The following STC1 variants were observed in gnomAD, a reference collection of about 807,000 sequenced individuals.
STC1 encodes the protein stanniocalcin 1, also known as stanniocalcin-1.
In STC1, 7 loss-of-function variants were observed where a neutral mutation model predicts 22.6. That is an observed-to-expected ratio of 0.31 (90% CI 0.18 to 0.58). The LOEUF is 0.58. Ranked by LOEUF, STC1 falls within the 20% of genes least tolerant of loss-of-function variation. The probability of loss-of-function intolerance (pLI) is 0.89; values close to 1 mark genes in which losing one functional copy is unlikely to be tolerated. For synonymous variants in STC1, 113 were observed against 120.7 expected, an observed-to-expected ratio of 0.94 and a Z score of 0.42; for missense variants, 224 against 311.0, an observed-to-expected ratio of 0.72 and a Z score of 2.10.
At chr8:23,846,177 C>T (rs981709109) in intron 3 of STC1, among the ~76,000 whole-genome samples, 1 of 152,104 alleles carries the variant, frequency 6.6e-6, no homozygotes, top group Admixed American at 6.5e-5. Context: ...TATCAGTTAC[C>T]TTCATCTTTG....
rs10638798 is a variant in STC1, at chr8:23,842,484, CAAAAAAAAAAAA to C, written c.*2274_*2285del. 6.2e-5 allele frequency: 5 copies of C among 80,146 alleles called. No individual in the cohort carries two copies. The highest frequency in any genetic ancestry group is 5.0e-4 in the South Asian group (1 of 1,998). 5.0% of individuals were successfully genotyped at this position (80,146 alleles called of 1,614,324 possible). On this transcript the variant is annotated 3_prime_UTR_variant, in exon 4 of 4. Transcript: ENST00000290271. ...TACCACGGTTTGAAGAGGTCACAGCCAAAAAAAAAAAAAAAAAAAAAGAAAAGAAAAAAGGAA... is the reference window on the plus strand; with the variant it reads ...TACCACGGTTTGAAGAGGTCACAGCCAAAAAAAAAGAAAAGAAAAAAGGAA...
intron 2 of STC1, 141 bp from the exon 3 acceptor site, chr8:23,851,672 T>C (rs1802639458): frequency 1.5e-6 from 1 of 671,630 alleles, no homozygotes; most frequent in Admixed American, 2.9e-5. Context: ...GAAGATTGCA[T>C]GTCTCGGCTA....
At position 23,851,483 on chromosome 8, in the gene STC1, T is replaced by C. The variant is rs767259759; in HGVS notation, c.310A>G (p.Thr104Ala). 1 of 1,614,082 alleles carries C rather than the reference T, an allele frequency of 6.2e-7. No homozygotes were observed. The highest frequency in any genetic ancestry group is 8.5e-7 in the Non-Finnish European group (1 of 1,180,008). ...CGAATGGCGAGGAAGACCTTGGAGG[T>C]GACCCCGTTGGCGATGCATTTTAAG... is the stretch of plus-strand genomic sequence containing the variant. ...ESLKCIANGVTSKVFLAIRRC... is the reference protein window; with the variant it reads ...ESLKCIANGVASKVFLAIRRC... Residue 104 changes from threonine to alanine, a missense_variant, in exon 3 of 4, where the codon ACC becomes GCC. Physicochemically the swap from Thr to Ala is moderately conservative, Grantham distance 58 (BLOSUM62 0). Coordinates refer to ENST00000290271, the MANE Select transcript of STC1 (RefSeq NM_003155.3).
At chr8:23,847,898 G>A (rs1802591892) in intron 3 of STC1, among the ~76,000 whole-genome samples, 1 of 152,174 alleles carries the variant, frequency 6.6e-6, no homozygotes, top group African/African-American at 2.4e-5. Context: ...ATTGTGCTTG[G>A]TATTCTATTT....
chr8:23,851,484 G>A lies in STC1; in HGVS notation c.309C>T (p.Val103=), dbSNP rs1378265289. 4 of 1,614,148 alleles carry A rather than the reference G, an allele frequency of 2.5e-6. No individual in the cohort carries two copies. The change falls in exon 3 of 4, where the codon GTC becomes GTT. Residue 103 remains valine (V), a synonymous_variant. Transcript: ENST00000290271. ...KESLKCIANG[V]TSKVFLAIRR... ...GAATGGCGAGGAAGACCTTGGAGGTGACCCCGTTGGCGATGCATTTTAAGC... is the reference window on the plus strand; with the variant it reads ...GAATGGCGAGGAAGACCTTGGAGGTAACCCCGTTGGCGATGCATTTTAAGC...
At chr8:23,854,008 A>G (rs1802668240) in intron 1 of STC1, 1 of 1,022,732 alleles carries the variant, frequency 9.8e-7, no homozygotes, top group Non-Finnish European at 1.2e-6. Context: ...TCTTAAGAGG[A>G]AAGGAAGAGG....
rs925160157 is a variant in STC1 at position 23,842,502 on chromosome 8, A to G, written c.*2268T>C. The G allele has an allele frequency of 6.6e-6, 1 of 151,312 alleles. No individual in the cohort carries two copies. The highest frequency in any genetic ancestry group is 1.5e-5 in the Non-Finnish European group (1 of 67,924). 9.4% of individuals were successfully genotyped at this position (151,312 alleles called of 1,614,324 possible). On this transcript the variant is annotated 3_prime_UTR_variant, in exon 4 of 4. Transcript: ENST00000290271. ...TCACAGCCAAAAAAAAAAAAAAAAA[A>G]AAAGAAAAGAAAAAAGGAAATCTAC...
chr8:23,851,795 C>T (rs1469471040), intron 2 of STC1, among the ~76,000 whole-genome samples: 2 of 152,056 alleles, frequency 1.3e-5, no homozygotes, highest in East Asian at 3.9e-4. Flanking sequence ...AACCATTCTG[C>T]AGCTTAAAAA....
chr8:23,842,959 T>C lies in STC1; in HGVS notation c.*1811A>G, dbSNP rs1802531295. On this transcript the variant is annotated 3_prime_UTR_variant, in exon 4 of 4. Transcript: ENST00000290271. ...CTTTATGGTAAAGTTGTATTGCTTT[T>C]CATTTTTCTGGAGATGTGCCCTCTC... 6.5e-6 allele frequency: 1 copy of C among 152,728 alleles called. No individual in the cohort carries two copies. The highest frequency in any genetic ancestry group is 2.4e-5 in the African/African-American group (1 of 41,428). 9.5% of individuals were successfully genotyped at this position (152,728 alleles called of 1,614,324 possible).
chr8:23,843,067 C>T lies in STC1; in HGVS notation c.*1703G>A, dbSNP rs1235648918. 1 of 152,652 alleles carries T rather than the reference C, an allele frequency of 6.6e-6. No homozygotes were observed. The highest frequency in any genetic ancestry group is 1.5e-5 in the Non-Finnish European group (1 of 68,088). The allele number at this position is 152,652 out of a possible 1,614,324, so 9.5% of individuals were successfully genotyped here. On this transcript the variant is annotated 3_prime_UTR_variant, in exon 4 of 4. Coordinates refer to ENST00000290271, the MANE Select transcript of STC1 (RefSeq NM_003155.3). ...AGAGTCAAGCACCAATAGTTTCTAC[C>T]TAAGCGAGTTTGGAGTGGCCCCTGC...
intron 3 of STC1, among the ~76,000 whole-genome samples, chr8:23,849,828 ATTC>A (rs1273725745): frequency 6.6e-6 from 1 of 152,080 alleles, no homozygotes; most frequent in African/African-American, 2.4e-5. Context: ...CTGGCTAAGA[ATTC>A]TTCATTTCTT....
At chr8:23,850,521 C>T (rs536352115) in intron 3 of STC1, among the ~76,000 whole-genome samples, 17 of 152,296 alleles carry the variant, frequency 1.1e-4, no homozygotes, top group African/African-American at 2.6e-4. Flanking sequence ...TTCCAGGCCA[C>T]GCACATGAAC....
At chr8:23,848,081 G>A (rs969899672) in intron 3 of STC1, among the ~76,000 whole-genome samples, 6 of 152,224 alleles carry the variant, frequency 3.9e-5, no homozygotes, top group African/African-American at 1.4e-4. Context: ...TCAGTAAAAT[G>A]AGGCAGTTAG....
chr8:23,843,583 ACTTCCTAATGTATAGTAGGC>A lies in STC1; in HGVS notation c.*1167_*1186del, dbSNP rs1271759379. 1 of 152,648 alleles carries A rather than the reference ACTTCCTAATGTATAGTAGGC, an allele frequency of 6.6e-6. No homozygotes were observed. Among genetic ancestry groups the A allele is most frequent in the East Asian group, 1.9e-4 (1 of 5,190 alleles). 9.5% of individuals were successfully genotyped at this position (152,648 alleles called of 1,614,324 possible). The stretch of plus-strand genomic sequence containing the variant: ...GAAAGGGGACGAGTAAAGAACTGCC[ACTTCCTAATGTATAGTAGGC>A]CTTATCACACTGTAAGTGGTCCAAG... On this transcript the variant is annotated 3_prime_UTR_variant, in exon 4 of 4. Transcript: ENST00000290271.
chr8:23,852,299 A>G lies in STC1; in HGVS notation c.204T>C (p.Asp68=). ...AGGATTTACAGATGTCATACATCCC[A>G]TCTGTGTCACAGGTGGAGTTTTCCA... ...ACLENSTCDT[D]GMYDICKSFL... Residue 68 remains aspartate (D), a synonymous_variant, in exon 2 of 4, where the codon GAT becomes GAC. Transcript: ENST00000290271. 6.2e-7 allele frequency: 1 copy of G among 1,614,192 alleles called. No homozygotes were observed. The highest frequency in any genetic ancestry group is 8.5e-7 in the Non-Finnish European group (1 of 1,180,030).
intron 3 of STC1, among the ~76,000 whole-genome samples, chr8:23,848,416 C>T (rs1802597357): frequency 6.6e-6 from 1 of 151,552 alleles, no homozygotes; most frequent in South Asian, 2.1e-4. Flanking sequence ...CTTGTAATCC[C>T]AGCTACTCTG....
At chr8:23,847,454 A>G (rs751797783) in intron 3 of STC1, among the ~76,000 whole-genome samples, 1 of 152,118 alleles carries the variant, frequency 6.6e-6, no homozygotes, top group Non-Finnish European at 1.5e-5. Context: ...AATCTACCCT[A>G]TTTCCCTCAT....
chr8:23,850,892 T>C (rs1197204364), intron 3 of STC1, among the ~76,000 whole-genome samples: 2 of 150,532 alleles, frequency 1.3e-5, no homozygotes, highest in South Asian at 2.1e-4. Flanking sequence ...AAATCTGCAT[T>C]ATGACATTTA....
intron 1 of STC1, 59 bp from the exon 2 acceptor site, chr8:23,852,443 C>CAAGT (rs1196687108): frequency 1.3e-6 from 2 of 1,529,270 alleles, no homozygotes; most frequent in African/African-American, 2.8e-5. Flanking sequence ...TGGGTGGGAT[C>CAAGT]AAGTGGGTGC....
Sources: gnomAD v4.1 joint callset for allele counts (sites outside exome capture counted in the v4.1 genomes callset) on GRCh38, gnomAD v4.1.1 for gene constraint, MANE v1.5 for transcripts, NCBI Gene and HGNC (gene_info 2026-07-23, HGNC 2026-07-21) for gene names.